Variants in WDR70 observed in about 807,000 individuals in gnomAD.
The protein encoded by WDR70 is WD repeat-containing protein 70.
WDR70 carries 53 observed loss-of-function variants against 88.6 expected under a neutral mutation model. That is an observed-to-expected ratio of 0.60 (90% CI 0.48 to 0.75). WDR70 has a LOEUF of 0.75. WDR70 is among the 30% of genes least tolerant of loss of function. The pLI, the probability that WDR70 is intolerant of heterozygous loss-of-function variation, is 0.00. For missense variants in WDR70, 610 were observed against 823.2 expected, an observed-to-expected ratio of 0.74 and a Z score of 3.17; for synonymous variants, 280 against 270.0, an observed-to-expected ratio of 1.04 and a Z score of -0.36.
chr5:37,731,091 T>A (rs1318307493), intron 17 of WDR70, among the ~76,000 whole-genome samples: 1 of 152,146 alleles, frequency 6.6e-6, no homozygotes, highest in Non-Finnish European at 1.5e-5. Context: ...GTCAGAGTTG[T>A]CCTGGTCAGG....
intron 11 of WDR70, among the ~76,000 whole-genome samples, chr5:37,698,581 T>G (rs1183416701): frequency 6.6e-6 from 1 of 152,188 alleles, no homozygotes; most frequent in Non-Finnish European, 1.5e-5. Flanking sequence ...AGCTATTCAT[T>G]CAGTCACTCG....
At chr5:37,462,536 T>C (rs1280414003) in intron 7 of WDR70, among the ~76,000 whole-genome samples, 1 of 152,190 alleles carries the variant, frequency 6.6e-6, no homozygotes, top group Non-Finnish European at 1.5e-5. Flanking sequence ...TCGCCTGACC[T>C]TGTGATCCGC....
At chr5:37,388,665 A>T (rs1229616075) in intron 3 of WDR70, among the ~76,000 whole-genome samples, 1 of 150,180 alleles carries the variant, frequency 6.7e-6, no homozygotes, top group South Asian at 2.1e-4. Flanking sequence ...GCTTGAACCT[A>T]GGAGGTGAAG....
intron 7 of WDR70, among the ~76,000 whole-genome samples, chr5:37,477,512 A>G (rs955548176): frequency 3.3e-5 from 5 of 152,216 alleles, no homozygotes; most frequent in African/African-American, 1.2e-4. Flanking sequence ...TTCAGCAGCA[A>G]CAACAGTTAG....
At chr5:37,509,780 C>G (rs934405957) in intron 8 of WDR70, among the ~76,000 whole-genome samples, 4 of 150,110 alleles carry the variant, frequency 2.7e-5, no homozygotes, top group African/African-American at 9.8e-5. Context: ...CTGAGCAGCC[C>G]TATAGATTCT....
intron 10 of WDR70, among the ~76,000 whole-genome samples, chr5:37,660,890 AG>A (rs1364945763): frequency 5.9e-5 from 9 of 152,280 alleles, no homozygotes; most frequent in South Asian, 2.1e-4. Flanking sequence ...CAACAATAAA[AG>A]AAGGCCAACA....
chr5:37,386,865 A>G (rs1162099896), intron 3 of WDR70, among the ~76,000 whole-genome samples: 1 of 152,054 alleles, frequency 6.6e-6, no homozygotes, highest in Non-Finnish European at 1.5e-5. Context: ...TGGGAGCCTG[A>G]GGTGGGTGGG....
chr5:37,737,904 A>C (rs1748348194), intron 17 of WDR70, among the ~76,000 whole-genome samples: 1 of 151,996 alleles, frequency 6.6e-6, no homozygotes, highest in Admixed American at 6.6e-5. Flanking sequence ...TAGCATAATG[A>C]GTCAGTATAC....
intron 2 of WDR70, among the ~76,000 whole-genome samples, chr5:37,381,280 T>A (rs1035710923): frequency 1.3e-5 from 2 of 152,220 alleles, no homozygotes. Flanking sequence ...TTTCCCTATT[T>A]AAAAGTCCAT....
At chr5:37,410,829 A>G (rs1346306851) in intron 5 of WDR70, among the ~76,000 whole-genome samples, 2 of 152,228 alleles carry the variant, frequency 1.3e-5, no homozygotes, top group Non-Finnish European at 2.9e-5. Context: ...GAACAAAGGA[A>G]ATGTGAGCAT....
intron 9 of WDR70, among the ~76,000 whole-genome samples, chr5:37,561,136 A>T (rs1442372260): frequency 6.6e-6 from 1 of 152,186 alleles, no homozygotes; most frequent in Non-Finnish European, 1.5e-5. Flanking sequence ...GGGGAAATCT[A>T]CTAAGAAGAT....
chr5:37,660,473 A>C (rs1003849712), intron 10 of WDR70, among the ~76,000 whole-genome samples: 4 of 148,216 alleles, frequency 2.7e-5, no homozygotes, highest in African/African-American at 9.9e-5. Context: ...TCTGTATTTT[A>C]AGTCTCTCTT....
Position 37,519,611 on chromosome 5 carries a change from G to A in WDR70, c.917+3021G>A, listed in dbSNP as rs546320217. The stretch of plus-strand genomic sequence containing the variant: ...AGGCGCTCCTCACCTCCCAGACGGC[G>A]TGGCCGGGCGGAGGCGCTCCTCACC... On this transcript the variant is annotated intron_variant, in intron 9 of 17. Transcript: ENST00000265107. 1.1e-3 allele frequency among the ~76,000 whole-genome samples: 170 copies of A among 148,602 alleles called. 1 individual carries two copies. The highest frequency in any genetic ancestry group is 4.1e-3 in the African/African-American group (163 of 40,062).
In WDR70 at chr5:37,461,126, T is replaced by A. The variant is rs376022048; in HGVS notation, c.686+17754T>A. On this transcript the variant is annotated intron_variant, in intron 7 of 17. Transcript: ENST00000265107. ...ACCTCAAAAAAAAAAAAAAAAAAAA[T>A]AAAGGGTTGTGAAACAAACCCCAGA... Among the ~76,000 whole-genome samples the A allele has an allele frequency of 2.9e-3, 379 of 131,656 alleles. 5 individuals are homozygous for A. The highest frequency in any genetic ancestry group is 0.013 in the African/African-American group (345 of 26,726). 86.4% of individuals were successfully genotyped at this position (131,656 alleles called of 152,430 possible).
intron 17 of WDR70, among the ~76,000 whole-genome samples, chr5:37,741,262 A>G (rs1045453929): frequency 6.7e-6 from 1 of 150,300 alleles, no homozygotes; most frequent in Admixed American, 6.6e-5. Flanking sequence ...TTTTTAATTT[A>G]AAAAGGTCTA....
At chr5:37,737,458 C>G (rs1164945520) in intron 17 of WDR70, among the ~76,000 whole-genome samples, 1 of 152,106 alleles carries the variant, frequency 6.6e-6, no homozygotes, top group Non-Finnish European at 1.5e-5. Context: ...ATTGTATGAG[C>G]CAGCATGGTG....
chr5:37,436,894 T>G (rs974432), intron 5 of WDR70, among the ~76,000 whole-genome samples: 133,748 of 152,082 alleles, frequency 0.88, 61,325 homozygotes, highest in East Asian at 1. Context: ...TTAAGTAGAT[T>G]GTGAGATGAT....
intron 7 of WDR70, among the ~76,000 whole-genome samples, chr5:37,471,597 GA>G (rs1300376730): frequency 1.3e-5 from 2 of 151,718 alleles, no homozygotes; most frequent in Non-Finnish European, 1.5e-5. Flanking sequence ...TTGGTGAATA[GA>G]AGTTACTAAT....
At chr5:37,663,443 C>A (rs1399383005) in intron 10 of WDR70, among the ~76,000 whole-genome samples, 2 of 152,162 alleles carry the variant, frequency 1.3e-5, no homozygotes, top group Non-Finnish European at 2.9e-5. Context: ...TTAAGTCCGA[C>A]CTGAAAAAAA....
Sources: allele counts gnomAD v4.1 joint callset (sites outside exome capture counted in the v4.1 genomes callset), GRCh38; gene constraint gnomAD v4.1.1; transcripts MANE v1.5; gene names NCBI Gene and HGNC (gene_info 2026-07-23, HGNC 2026-07-21).